LRMDA: variants seen among roughly 807,000 people sequenced by gnomAD.
LRMDA encodes the protein leucine-rich melanocyte differentiation-associated protein.
Under a neutral mutation model 29.8 loss-of-function variants are expected in LRMDA, and 18 were observed. That is an observed-to-expected ratio of 0.60 (90% CI 0.42 to 0.90). The LOEUF (loss-of-function observed/expected upper bound fraction) is 0.90. Among genes scored for constraint, LRMDA ranks in the 40% least tolerant of loss-of-function variants. The pLI is 0.00. For synonymous variants in LRMDA, 125 were observed against 109.4 expected (o/e 1.14, Z -0.89); for missense variants, 273 against 273.9 (o/e 1.00, Z 0.02).
intron 2 of LRMDA, among the ~76,000 whole-genome samples, chr10:75,916,503 A>T (rs74146934): frequency 0.13 from 19,112 of 152,128 alleles, 1,356 homozygotes; most frequent in Middle Eastern, 0.3. Flanking sequence ...TGCCTTGCAA[A>T]CAGAGTCAGA....
At chr10:75,640,201 AT>A (rs11295363) in intron 2 of LRMDA, among the ~76,000 whole-genome samples, 101,761 of 152,000 alleles carry the variant, frequency 0.67, 34,118 homozygotes, top group South Asian at 0.73. Flanking sequence ...TCATAGCAGC[AT>A]TTTTAAAGTA....
At chr10:75,905,137 A>G (rs1031455783) in intron 2 of LRMDA, among the ~76,000 whole-genome samples, 3 of 152,058 alleles carry the variant, frequency 2.0e-5, no homozygotes, top group Admixed American at 6.5e-5. Context: ...TTACTCGGCT[A>G]TCTGATAATG....
intron 5 of LRMDA, among the ~76,000 whole-genome samples, chr10:76,092,494 A>G (rs946773099): frequency 2.6e-5 from 4 of 152,198 alleles, no homozygotes; most frequent in African/African-American, 4.8e-5. Context: ...TGTCATTCCC[A>G]AATTGTGTGC....
intron 6 of LRMDA, among the ~76,000 whole-genome samples, chr10:76,389,109 G>A (rs1841693420): frequency 6.6e-6 from 1 of 152,182 alleles, no homozygotes; most frequent in Admixed American, 6.5e-5. Flanking sequence ...CCTAGTTTGA[G>A]ACTTGAAGGA....
At chr10:76,197,168 T>G (rs1172340711) in intron 5 of LRMDA, among the ~76,000 whole-genome samples, 1 of 152,224 alleles carries the variant, frequency 6.6e-6, no homozygotes, top group Admixed American at 6.5e-5. Flanking sequence ...TCTCTATCTT[T>G]AATGCTTTCA....
At chr10:75,715,972 A>G (rs1404594389) in intron 2 of LRMDA, among the ~76,000 whole-genome samples, 4 of 152,304 alleles carry the variant, frequency 2.6e-5, no homozygotes, top group South Asian at 2.1e-4. Context: ...CAGTATCACA[A>G]TCATCTACTT....
intron 5 of LRMDA, among the ~76,000 whole-genome samples, chr10:76,131,324 C>T (rs1031904784): frequency 1.3e-5 from 2 of 152,184 alleles, no homozygotes; most frequent in African/African-American, 2.4e-5. Flanking sequence ...AGCCACTTCT[C>T]CCAGGAATCT....
At chr10:75,449,024 C>T (rs576445320) in intron 2 of LRMDA, among the ~76,000 whole-genome samples, 20 of 152,082 alleles carry the variant, frequency 1.3e-4, no homozygotes, top group Non-Finnish European at 2.4e-4. Flanking sequence ...TGGTGGCATG[C>T]GCCTGTAATC....
intron 1 of LRMDA, among the ~76,000 whole-genome samples, chr10:75,437,440 G>A (rs1004084204): frequency 6.6e-6 from 1 of 152,178 alleles, no homozygotes; most frequent in Non-Finnish European, 1.5e-5. Flanking sequence ...TTCAAGCTGG[G>A]GGTTGAGCAT....
At chr10:75,764,021 T>G (rs1198308357) in intron 2 of LRMDA, among the ~76,000 whole-genome samples, 1 of 152,100 alleles carries the variant, frequency 6.6e-6, no homozygotes, top group African/African-American at 2.4e-5. Context: ...TCAGGAGACT[T>G]CAGGAACTGC....
chr10:75,967,688 G>A (rs1315182489), intron 2 of LRMDA, among the ~76,000 whole-genome samples: 2 of 151,800 alleles, frequency 1.3e-5, no homozygotes, highest in South Asian at 2.1e-4. Flanking sequence ...TGAAGCCAGC[G>A]AAATGGCTAA....
chr10:75,646,863 A>G (rs1026014123), intron 2 of LRMDA, among the ~76,000 whole-genome samples: 2 of 152,214 alleles, frequency 1.3e-5, no homozygotes, highest in Non-Finnish European at 2.9e-5. Context: ...GAAAACAATC[A>G]TGCAAGTTGT....
chr10:76,023,487 T>C (rs1248325948), intron 2 of LRMDA, among the ~76,000 whole-genome samples: 1 of 152,222 alleles, frequency 6.6e-6, no homozygotes, highest in African/African-American at 2.4e-5. Context: ...TGCTGAACTT[T>C]TTACTGAATG....
intron 2 of LRMDA, among the ~76,000 whole-genome samples, chr10:75,767,435 G>C (rs1208569898): frequency 6.6e-6 from 1 of 152,126 alleles, no homozygotes; most frequent in African/African-American, 2.4e-5. Flanking sequence ...GGCTGCATAA[G>C]TTTTCTAATG....
chr10:76,011,738 T>C (rs1847785694), intron 2 of LRMDA, among the ~76,000 whole-genome samples: 1 of 152,182 alleles, frequency 6.6e-6, no homozygotes. Flanking sequence ...TGTGGAGTGG[T>C]GGCATCTTAA....
At chr10:75,960,535 A>G (rs1410691166) in intron 2 of LRMDA, among the ~76,000 whole-genome samples, 2 of 152,210 alleles carry the variant, frequency 1.3e-5, no homozygotes, top group Non-Finnish European at 2.9e-5. Context: ...GAATTTCACC[A>G]TCCTTCTAAC....
At chr10:75,970,003 G>A (rs1285975668) in intron 2 of LRMDA, among the ~76,000 whole-genome samples, 2 of 152,190 alleles carry the variant, frequency 1.3e-5, no homozygotes, top group African/African-American at 2.4e-5. Flanking sequence ...TGAGATTCAG[G>A]TTGAAAGATA....
intron 2 of LRMDA, among the ~76,000 whole-genome samples, chr10:75,822,119 A>C (rs1589218586): frequency 6.6e-6 from 1 of 152,212 alleles, no homozygotes; most frequent in African/African-American, 2.4e-5. Context: ...ACTTCAGTAA[A>C]GTTCCAGGAT....
chr10:75,618,380 C>CTATATATATATA (rs1471312612), intron 2 of LRMDA, among the ~76,000 whole-genome samples: 4 of 55,294 alleles, frequency 7.2e-5, no homozygotes, highest in African/African-American at 2.4e-4. Context: ...CTCTCTCTCT[C>CTATATATATATA]TCTATATATA....
Sources: allele counts gnomAD v4.1 joint callset (sites outside exome capture counted in the v4.1 genomes callset), GRCh38; gene constraint gnomAD v4.1.1; transcripts MANE v1.5; gene names NCBI Gene and HGNC (gene_info 2026-07-23, HGNC 2026-07-21).